The following FAM174A variants were observed in gnomAD, a reference collection of about 807,000 sequenced individuals.
The protein encoded by FAM174A is family with sequence similarity 174 member A.
Under a neutral mutation model 14.3 loss-of-function variants are expected in FAM174A, and 14 were observed. That is an observed-to-expected ratio of 0.98 (90% CI 0.65 to 1.53). The LOEUF (loss-of-function observed/expected upper bound fraction) is 1.53. FAM174A is among the 40% of genes most tolerant of loss of function. The pLI is 0.00. For synonymous variants in FAM174A, 108 were observed against 111.4 expected, an observed-to-expected ratio of 0.97 and a Z score of 0.19; for missense variants, 241 against 249.6, an observed-to-expected ratio of 0.97 and a Z score of 0.23.
chr5:100,557,573 T>C (rs1200953138), intron 1 of FAM174A, among the ~76,000 whole-genome samples: 3 of 152,052 alleles, frequency 2.0e-5, no homozygotes, highest in African/African-American at 7.2e-5. Flanking sequence ...TCCTGGACTC[T>C]TTTTTGGTTG....
intron 1 of FAM174A, 80 bp downstream of exon 1, chr5:100,536,044 G>T: frequency 1.5e-6 from 2 of 1,313,330 alleles, no homozygotes; most frequent in South Asian, 3.0e-5. Context: ...TGACTTCTGT[G>T]ACCCTTTCCC....
At chr5:100,542,327 G>A (rs1047951315) in intron 1 of FAM174A, among the ~76,000 whole-genome samples, 1 of 152,096 alleles carries the variant, frequency 6.6e-6, no homozygotes, top group African/African-American at 2.4e-5. Flanking sequence ...AAATCTTGCT[G>A]TACTCTCTTT....
At chr5:100,570,797 G>A (rs986253909) in intron 2 of FAM174A, among the ~76,000 whole-genome samples, 4 of 151,894 alleles carry the variant, frequency 2.6e-5, no homozygotes, top group African/African-American at 9.7e-5. Context: ...GATAAGGCTT[G>A]CCCCAATATT....
chr5:100,580,490 C>T (rs1051129142), intron 2 of FAM174A, among the ~76,000 whole-genome samples: 7 of 152,150 alleles, frequency 4.6e-5, no homozygotes, highest in African/African-American at 1.7e-4. Context: ...GTCCGATATT[C>T]GACGACAGGA....
chr5:100,573,577 G>A lies in FAM174A; in HGVS notation c.569+11389G>A, dbSNP rs1289732985. ...ACCACTGCTCAAGGAAATAAAAGAG[G>A]ATACAAACAAATGGAAGAACATTCC... is the stretch of plus-strand genomic sequence containing the variant. On this transcript the variant is annotated intron_variant, in intron 2 of 2. Coordinates refer to ENST00000312637, the MANE Select transcript of FAM174A (RefSeq NM_198507.3). Among the ~76,000 whole-genome samples, 6 of 151,802 alleles carry A rather than the reference G, an allele frequency of 4.0e-5. No homozygotes were observed. The South Asian group carries it at 1.2e-3, about 32-fold the overall frequency.
intron 2 of FAM174A, among the ~76,000 whole-genome samples, chr5:100,565,164 G>A (rs1209660641): frequency 1.3e-5 from 2 of 151,750 alleles, no homozygotes; most frequent in African/African-American, 2.4e-5. Flanking sequence ...GATACACCAT[G>A]ATTAAGTGGG....
chr5:100,566,321 T>C (rs1352893825), intron 2 of FAM174A, among the ~76,000 whole-genome samples: 1 of 151,270 alleles, frequency 6.6e-6, no homozygotes, highest in Non-Finnish European at 1.5e-5. Context: ...AAGACAGATA[T>C]TGCATTATCT....
intron 1 of FAM174A, among the ~76,000 whole-genome samples, chr5:100,551,156 A>T (rs1449404140): frequency 6.6e-6 from 1 of 152,136 alleles, no homozygotes; most frequent in Non-Finnish European, 1.5e-5. Context: ...AATATAAATG[A>T]ATTTAAATTA....
intron 2 of FAM174A, among the ~76,000 whole-genome samples, chr5:100,566,712 G>A (rs137969106): frequency 1.3e-5 from 2 of 151,836 alleles, no homozygotes; most frequent in East Asian, 3.9e-4. Flanking sequence ...TAACATTAAG[G>A]TAAACACCTT....
intron 2 of FAM174A, among the ~76,000 whole-genome samples, chr5:100,582,462 T>C (rs73164288): frequency 0.021 from 3,170 of 151,594 alleles, 105 homozygotes; most frequent in African/African-American, 0.073. Context: ...GTTTGTAAAA[T>C]ATGCACATTT....
chr5:100,549,711 CG>C (rs576009963), intron 1 of FAM174A, among the ~76,000 whole-genome samples: 31 of 151,084 alleles, frequency 2.1e-4, no homozygotes, highest in Non-Finnish European at 3.8e-4. Flanking sequence ...TAAGGATGCA[CG>C]TGGTCGAGAT....
chr5:100,573,436 G>A (rs1322733282), intron 2 of FAM174A, among the ~76,000 whole-genome samples: 10 of 152,106 alleles, frequency 6.6e-5, no homozygotes, highest in East Asian at 5.8e-4. Flanking sequence ...TGTATAAGGT[G>A]TAAGGAAGGG....
chr5:100,546,416 T>C (rs1170978297), intron 1 of FAM174A, among the ~76,000 whole-genome samples: 1 of 152,156 alleles, frequency 6.6e-6, no homozygotes, highest in Non-Finnish European at 1.5e-5. Flanking sequence ...CAAGATTTGA[T>C]GAACACTAAT....
At chr5:100,573,349 A>T (rs1746834971) in intron 2 of FAM174A, among the ~76,000 whole-genome samples, 1 of 151,476 alleles carries the variant, frequency 6.6e-6, no homozygotes, top group Non-Finnish European at 1.5e-5. Flanking sequence ...CTGAATGGTA[A>T]TGCCCAGGTT....
intron 2 of FAM174A, among the ~76,000 whole-genome samples, chr5:100,564,350 C>A (rs188445298): frequency 6.6e-6 from 1 of 150,980 alleles, no homozygotes; most frequent in East Asian, 2.0e-4. Flanking sequence ...AAAAAAATGG[C>A]ATAACAAAAC....
chr5:100,581,004 C>G lies in FAM174A; in HGVS notation c.570-5177C>G, dbSNP rs935527664. Among the ~76,000 whole-genome samples the G allele has an allele frequency of 3.3e-5, 5 of 152,316 alleles. No individual in the cohort carries two copies. In the East Asian group the frequency reaches 9.7e-4, roughly 29 times the overall value. On this transcript the variant is annotated intron_variant, in intron 2 of 2. Transcript: ENST00000312637. Reference sequence around the variant, plus strand: ...ACTACAATGGCGTGATCTCAGCTCACTGCAACCTCTGCCTCCCGGGTTCAA... The same window carrying G: ...ACTACAATGGCGTGATCTCAGCTCAGTGCAACCTCTGCCTCCCGGGTTCAA...
chr5:100,580,921 T>C (rs1746998508), intron 2 of FAM174A, among the ~76,000 whole-genome samples: 1 of 152,026 alleles, frequency 6.6e-6, no homozygotes, highest in Admixed American at 6.6e-5. Context: ...TGTTTGTTTG[T>C]TTTTGTTGTT....
intron 1 of FAM174A, among the ~76,000 whole-genome samples, chr5:100,539,887 C>G (rs1346757344): frequency 1.3e-5 from 2 of 152,306 alleles, no homozygotes; most frequent in East Asian, 3.9e-4. Context: ...GTTAAACCTC[C>G]AAATTTTACC....
At chr5:100,539,736 A>C (rs1252206719) in intron 1 of FAM174A, among the ~76,000 whole-genome samples, 1 of 152,194 alleles carries the variant, frequency 6.6e-6, no homozygotes, top group Non-Finnish European at 1.5e-5. Flanking sequence ...TTCAACCATC[A>C]TGCTGCTTCC....
Sources: gnomAD v4.1 joint callset for allele counts (sites outside exome capture counted in the v4.1 genomes callset) on GRCh38, gnomAD v4.1.1 for gene constraint, MANE v1.5 for transcripts, NCBI Gene and HGNC (gene_info 2026-07-23, HGNC 2026-07-21) for gene names.